Variants in MAP2K5 observed in about 807,000 individuals in gnomAD.
The protein encoded by MAP2K5 is dual specificity mitogen-activated protein kinase kinase 5.
MAP2K5 carries 49 observed loss-of-function variants against 83.1 expected under a neutral mutation model. That is an observed-to-expected ratio of 0.59 (90% CI 0.47 to 0.75). The LOEUF (loss-of-function observed/expected upper bound fraction) is 0.75. Among genes scored for constraint, MAP2K5 ranks in the 30% least tolerant of loss-of-function variants. The pLI is 0.00. For synonymous variants in MAP2K5, 202 were observed against 191.8 expected (o/e 1.05, Z -0.44); for missense variants, 457 against 557.5 (o/e 0.82, Z 1.82).
chr15:67,604,407 T>C (rs1472925858), intron 8 of MAP2K5, among the ~76,000 whole-genome samples: 1 of 152,238 alleles, frequency 6.6e-6, no homozygotes. Context: ...GAAAGACACA[T>C]GTTCTATTTC....
chr15:67,651,809 T>C (rs2086963228), intron 11 of MAP2K5, among the ~76,000 whole-genome samples: 2 of 152,246 alleles, frequency 1.3e-5, no homozygotes, highest in African/African-American at 4.8e-5. Flanking sequence ...TGAATAGTGC[T>C]GCAGTAAACA....
chr15:67,628,070 A>G (rs1247919907), intron 8 of MAP2K5: 2 of 739,384 alleles, frequency 2.7e-6, no homozygotes, highest in Non-Finnish European at 4.8e-6. Context: ...CCATGAATGC[A>G]AGGCCACGCA....
intron 16 of MAP2K5, among the ~76,000 whole-genome samples, chr15:67,712,871 T>C (rs1428642580): frequency 1.3e-5 from 2 of 151,180 alleles, no homozygotes; most frequent in Non-Finnish European, 2.9e-5. Flanking sequence ...TGAGCTGAGA[T>C]CATGCCATTG....
rs2140944265 is a variant in MAP2K5, at chr15:67,550,020, C to T, written c.136-14C>T. 6.2e-7 allele frequency: 1 copy of T among 1,608,246 alleles called. No individual in the cohort carries two copies. Among genetic ancestry groups the T allele is most frequent in the South Asian group, 1.1e-5 (1 of 90,894 alleles). On this transcript the variant is annotated splice_polypyrimidine_tract_variant and intron_variant, in intron 1 of 21. Transcript: ENST00000178640. ...AGATGGCTAATTGTGTTTCTTTATT[C>T]TTTCTTTGTTTAGGATGTGATAGGC...
rs535564214 is a variant in MAP2K5 at position 67,692,428 on chromosome 15, C to T, written c.848-51C>T. The T allele has an allele frequency of 7.8e-5, 102 of 1,307,152 alleles. No individual in the cohort carries two copies. In the East Asian group the frequency reaches 9.2e-4, roughly 12 times the overall value. 81.0% of individuals were successfully genotyped at this position (1,307,152 alleles called of 1,614,324 possible). A position where few individuals can be genotyped will look rare whatever the true frequency, so the allele number is the denominator to read the frequency against. ...TGCATGTGTGCTTTTAAAGAACAAA[C>T]GCTGTAGATACATGGAATTAGTTAC... On this transcript the variant is annotated intron_variant, in intron 13 of 21. Transcript: ENST00000178640.
intron 17 of MAP2K5, among the ~76,000 whole-genome samples, chr15:67,737,844 C>CT (rs35988425): frequency 0.4 from 27,649 of 69,188 alleles, 9,384 homozygotes; most frequent in Non-Finnish European, 0.46. Flanking sequence ...ATAGAATAGT[C>CT]TTTTTTTTTT....
intron 3 of MAP2K5, among the ~76,000 whole-genome samples, chr15:67,575,383 A>G (rs2140985057): frequency 6.6e-6 from 1 of 151,550 alleles, no homozygotes; most frequent in South Asian, 2.1e-4. Flanking sequence ...GGGGGAGGGC[A>G]GTGGGGGAGT....
At chr15:67,742,096 A>G (rs10444849) in intron 17 of MAP2K5, among the ~76,000 whole-genome samples, 37,446 of 151,948 alleles carry the variant, frequency 0.25, 4,805 homozygotes, top group East Asian at 0.35. Context: ...GGGTTTTACC[A>G]TGTTAGCCAG....
rs1670649887 is a variant in MAP2K5, at chr15:67,673,152, T to C, written c.847+8507T>C. Reference sequence around the variant, plus strand: ...ATTGACTTGGCAATGCGGTCTCTTTTTTGGTTCCATATGAACTTTAAAGTA... The same window carrying C: ...ATTGACTTGGCAATGCGGTCTCTTTCTTGGTTCCATATGAACTTTAAAGTA... On this transcript the variant is annotated intron_variant, in intron 13 of 21. Transcript: ENST00000178640. Among the ~76,000 whole-genome samples the C allele has an allele frequency of 2.0e-5, 3 of 152,202 alleles. No homozygotes were observed. In the South Asian group the frequency reaches 6.2e-4, roughly 31 times the overall value.
intron 7 of MAP2K5, among the ~76,000 whole-genome samples, chr15:67,596,678 T>G (rs1380626196): frequency 6.6e-6 from 1 of 152,210 alleles, no homozygotes; most frequent in Non-Finnish European, 1.5e-5. Flanking sequence ...TTGCTGTCTC[T>G]GTTTCTTTTA....
At chr15:67,771,714 T>C (rs980619048) in intron 20 of MAP2K5, among the ~76,000 whole-genome samples, 4 of 152,224 alleles carry the variant, frequency 2.6e-5, no homozygotes, top group African/African-American at 9.6e-5. Context: ...TCATTAATGG[T>C]TCATAACTCC....
intron 13 of MAP2K5, among the ~76,000 whole-genome samples, chr15:67,678,071 G>A (rs1008487684): frequency 6.6e-6 from 1 of 152,128 alleles, no homozygotes; most frequent in Non-Finnish European, 1.5e-5. Flanking sequence ...GTATGTTCCC[G>A]TTGTGCACAG....
chr15:67,651,079 A>T (rs1253028449), intron 11 of MAP2K5, among the ~76,000 whole-genome samples: 1 of 152,154 alleles, frequency 6.6e-6, no homozygotes, highest in Non-Finnish European at 1.5e-5. Flanking sequence ...TTAGCTGGGC[A>T]TGGTGGCACA....
intron 9 of MAP2K5, among the ~76,000 whole-genome samples, chr15:67,645,828 A>T (rs2086819692): frequency 6.6e-6 from 1 of 151,612 alleles, no homozygotes; most frequent in African/African-American, 2.4e-5. Context: ...GAGTGCTGGG[A>T]TTACAGGTGT....
chr15:67,771,422 G>C (rs564146876), intron 20 of MAP2K5, among the ~76,000 whole-genome samples: 40 of 152,232 alleles, frequency 2.6e-4, no homozygotes, highest in African/African-American at 8.9e-4. Context: ...AGTGGATAAG[G>C]CTTCACCTCC....
intron 8 of MAP2K5, among the ~76,000 whole-genome samples, chr15:67,618,180 A>G (rs2086097899): frequency 1.3e-5 from 2 of 152,236 alleles, no homozygotes; most frequent in Non-Finnish European, 1.5e-5. Flanking sequence ...TTTATCCCTA[A>G]GTATTGCTTT....
Position 67,572,808 on chromosome 15 carries a change from C to T in MAP2K5, c.253-7946C>T, listed in dbSNP as rs1272950408. On this transcript the variant is annotated intron_variant, in intron 3 of 21. Transcript: ENST00000178640. The surrounding 1 kb of genome is among the most constrained non-coding windows in gnomAD (Gnocchi z 4.2). ...TCACCTCTCGGGTTCAAGTGATTCT[C>T]CTGCCTCAACCTCCTGAGTAGCTGG... Among the ~76,000 whole-genome samples, 1 of 151,882 alleles carries T rather than the reference C, an allele frequency of 6.6e-6. No homozygotes were observed. The highest frequency in any genetic ancestry group is 1.5e-5 in the Non-Finnish European group (1 of 68,012).
rs1449975230 is a variant in MAP2K5, at chr15:67,720,980, A to G, written c.1045-6936A>G. Among the ~76,000 whole-genome samples, 1 of 152,190 alleles carries G rather than the reference A, an allele frequency of 6.6e-6. No homozygotes were observed. The highest frequency in any genetic ancestry group is 1.9e-4 in the East Asian group (1 of 5,208). ...CATGGTTAGGCTATAGCAGGCAATC[A>G]TTTTTAACAGTGAAACAAATAAAGC... On this transcript the variant is annotated intron_variant, in intron 16 of 21. Coordinates refer to ENST00000178640, the MANE Select transcript of MAP2K5 (RefSeq NM_145160.3). The surrounding 1 kb of genome is among the most constrained non-coding windows in gnomAD (Gnocchi z 5.7).
At chr15:67,655,681 T>G (rs2087055624) in intron 11 of MAP2K5, among the ~76,000 whole-genome samples, 1 of 152,222 alleles carries the variant, frequency 6.6e-6, no homozygotes, top group Non-Finnish European at 1.5e-5. Flanking sequence ...TAATAATGTG[T>G]ATAGATGTAG....
Sources: allele counts gnomAD v4.1 joint callset (sites outside exome capture counted in the v4.1 genomes callset), GRCh38; gene constraint gnomAD v4.1.1; non-coding constraint Gnocchi (gnomAD v3.1); transcripts MANE v1.5; gene names NCBI Gene and HGNC (gene_info 2026-07-23, HGNC 2026-07-21).